Variants in PIK3CB observed in about 807,000 individuals in gnomAD.
PIK3CB encodes phosphatidylinositol-4,5-bisphosphate 3-kinase catalytic subunit beta, also known as phosphatidylinositol 4,5-bisphosphate 3-kinase catalytic subunit beta isoform.
Under a neutral mutation model 136.8 loss-of-function variants are expected in PIK3CB, and 39 were observed. The observed-to-expected ratio is 0.29, with a 90% CI of 0.22 to 0.37. The LOEUF (loss-of-function observed/expected upper bound fraction) is 0.37, where lower values mean the gene tolerates loss of function less well. Ranked by LOEUF, PIK3CB falls within the 10% of genes least tolerant of loss-of-function variation. The pLI is 1.00. For missense variants in PIK3CB, 868 were observed against 1,275.4 expected (o/e 0.68, Z 4.87); for synonymous variants, 428 against 436.6 (o/e 0.98, Z 0.25).
intron 8 of PIK3CB, among the ~76,000 whole-genome samples, chr3:138,722,168 T>A (rs1160652348): frequency 1.3e-5 from 2 of 148,814 alleles, no homozygotes; most frequent in African/African-American, 5.0e-5. Context: ...CAATTAACTA[T>A]CCTCTATTTT....
At chr3:138,660,129 C>T (rs1245184411) in intron 21 of PIK3CB, among the ~76,000 whole-genome samples, 1 of 151,806 alleles carries the variant, frequency 6.6e-6, no homozygotes, top group Admixed American at 6.6e-5. Flanking sequence ...AGCCAAACTG[C>T]CAGGGTTAAA....
At chr3:138,804,004 T>C (rs1183588346) in intron 1 of PIK3CB, among the ~76,000 whole-genome samples, 3 of 152,092 alleles carry the variant, frequency 2.0e-5, no homozygotes, top group Admixed American at 2.0e-4. Flanking sequence ...CCACATATTC[T>C]AGATAAGAAA....
intron 8 of PIK3CB, among the ~76,000 whole-genome samples, chr3:138,718,676 T>TAAATGTAAAAAAAG (rs1330842819): frequency 6.6e-6 from 1 of 152,188 alleles, no homozygotes. Flanking sequence ...AATATAAGTG[T>TAAATGTAAAAAAAG]ACATTTACAT....
intron 2 of PIK3CB, among the ~76,000 whole-genome samples, chr3:138,786,255 G>A (rs1409478301): frequency 6.6e-6 from 1 of 152,120 alleles, no homozygotes. Flanking sequence ...AAAAATTACA[G>A]ATTTGTAGTC....
chr3:138,823,010 T>C (rs1933630413), intron 1 of PIK3CB, among the ~76,000 whole-genome samples: 1 of 149,634 alleles, frequency 6.7e-6, no homozygotes, highest in Non-Finnish European at 1.5e-5. Context: ...AGCCTCCGCC[T>C]CCTGGGTTCA....
intron 19 of PIK3CB, among the ~76,000 whole-genome samples, chr3:138,670,730 A>C (rs1456045776): frequency 6.6e-6 from 1 of 152,126 alleles, no homozygotes; most frequent in African/African-American, 2.4e-5. Context: ...AAAACTAGCT[A>C]CCTATTCAAA....
At chr3:138,692,193 A>G (rs1428843101) in intron 14 of PIK3CB, among the ~76,000 whole-genome samples, 2 of 152,178 alleles carry the variant, frequency 1.3e-5, no homozygotes, top group Non-Finnish European at 2.9e-5. Context: ...AAGTGCCCCA[A>G]GTGCTCCACT....
At chr3:138,791,751 T>C in intron 2 of PIK3CB, among the ~76,000 whole-genome samples, 1 of 152,114 alleles carries the variant, frequency 6.6e-6, no homozygotes, top group East Asian at 1.9e-4. Flanking sequence ...CTATCCAAAA[T>C]ACCCAGAGGG....
At chr3:138,776,633 T>C (rs1415105001) in intron 2 of PIK3CB, among the ~76,000 whole-genome samples, 1 of 152,094 alleles carries the variant, frequency 6.6e-6, no homozygotes, top group Non-Finnish European at 1.5e-5. Flanking sequence ...GAGGCAGACA[T>C]TGCCGTGAGC....
chr3:138,792,129 A>T (rs1316701416), intron 2 of PIK3CB, among the ~76,000 whole-genome samples: 1 of 152,140 alleles, frequency 6.6e-6, no homozygotes, highest in Non-Finnish European at 1.5e-5. Context: ...AGGGAAGTGG[A>T]AGTTGCAGTG....
Position 138,707,169 on chromosome 3 carries a change from G to A in PIK3CB, c.1520C>T (p.Pro507Leu). ...AAATAATTAGCTTACCTTATCGAAG[G>A]GAGGGTAATAATAAGGTTGTTTTTT... The part of the protein sequence containing the change: ...ENKKQPYYYP[P>L]FDKIIEKAAE... Residue 507 changes from proline to leucine, a missense_variant, in exon 11 of 24, where the codon CCC (proline) becomes CTC (leucine). Coordinates refer to ENST00000674063, the MANE Select transcript of PIK3CB (RefSeq NM_006219.3). The A allele has an allele frequency of 6.4e-7, 1 of 1,573,066 alleles. No homozygotes were observed. Among genetic ancestry groups the A allele is most frequent in the Non-Finnish European group, 8.7e-7 (1 of 1,144,114 alleles).
intron 1 of PIK3CB, among the ~76,000 whole-genome samples, chr3:138,831,276 A>AAATTAAATTAAATTAAATTAAATT (rs1559896103): frequency 3.7e-5 from 5 of 135,698 alleles, no homozygotes; most frequent in African/African-American, 1.8e-4. Context: ...AAAATAAAAT[A>AAATTAAATTAAATTAAATTAAATT]AAATAAAATT....
At chr3:138,776,024 C>A (rs1420898776) in intron 2 of PIK3CB, among the ~76,000 whole-genome samples, 3 of 151,960 alleles carry the variant, frequency 2.0e-5, no homozygotes, top group Admixed American at 2.0e-4. Flanking sequence ...ATGGTGAAAC[C>A]CAGTCTCTAC....
chr3:138,802,323 T>G (rs2046185784), intron 1 of PIK3CB, among the ~76,000 whole-genome samples: 1 of 148,656 alleles, frequency 6.7e-6, no homozygotes, highest in Admixed American at 6.8e-5. Context: ...GAGGTTGCAG[T>G]GAGCCGAGAT....
intron 1 of PIK3CB, among the ~76,000 whole-genome samples, chr3:138,802,055 CAAAA>C (rs1270112666): frequency 6.7e-6 from 1 of 149,656 alleles, no homozygotes; most frequent in Non-Finnish European, 1.5e-5. Flanking sequence ...AAAACAAAAA[CAAAA>C]AAGAAGAAAA....
chr3:138,782,426 T>G (rs1198664178), intron 2 of PIK3CB, among the ~76,000 whole-genome samples: 1 of 152,220 alleles, frequency 6.6e-6, no homozygotes, highest in African/African-American at 2.4e-5. Flanking sequence ...AAGAAGGGTG[T>G]GTGTGTGATA....
chr3:138,707,517 A>G (rs1461013790), intron 10 of PIK3CB: 1 of 1,294,686 alleles, frequency 7.7e-7, no homozygotes, highest in Non-Finnish European at 9.8e-7. Flanking sequence ...ACAAAACTGA[A>G]TGACTACTTT....
intron 1 of PIK3CB, among the ~76,000 whole-genome samples, chr3:138,828,574 T>C (rs1431780270): frequency 6.6e-6 from 1 of 151,870 alleles, no homozygotes; most frequent in East Asian, 1.9e-4. Context: ...TTATATTATA[T>C]TGGAGGAAAA....
intron 15 of PIK3CB, among the ~76,000 whole-genome samples, chr3:138,690,253 A>G (rs1032871420): frequency 1.3e-5 from 2 of 152,004 alleles, no homozygotes; most frequent in Admixed American, 6.6e-5. Flanking sequence ...AAAAGAAGAA[A>G]AAGAAAAGAA....
Sources: gnomAD v4.1 joint callset for allele counts (sites outside exome capture counted in the v4.1 genomes callset) on GRCh38, gnomAD v4.1.1 for gene constraint, MANE v1.5 for transcripts, NCBI Gene and HGNC (gene_info 2026-07-23, HGNC 2026-07-21) for gene names.